The following ADGB variants were observed in gnomAD, a reference collection of about 807,000 sequenced individuals.
The protein encoded by ADGB is calpain-7-like protein.
In ADGB, 172 loss-of-function variants were observed where a neutral mutation model predicts 210.5. That is an observed-to-expected ratio of 0.82 (90% CI 0.72 to 0.93). ADGB has a LOEUF of 0.93. Among genes scored for constraint, ADGB ranks in the 40% least tolerant of loss-of-function variants. The pLI is 0.00. For missense variants in ADGB, 2,025 were observed against 1,964.8 expected (o/e 1.03, Z -0.58); for synonymous variants, 658 against 662.7 (o/e 0.99, Z 0.11).
At chr6:146,795,627 G>T (rs1452395731) in intron 33 of ADGB, among the ~76,000 whole-genome samples, 2 of 152,136 alleles carry the variant, frequency 1.3e-5, no homozygotes, top group South Asian at 2.1e-4. Flanking sequence ...AGCCAGAATG[G>T]CTATTATTAA....
intron 35 of ADGB, among the ~76,000 whole-genome samples, chr6:146,808,905 A>T (rs1315403864): frequency 1.3e-5 from 2 of 152,028 alleles, no homozygotes; most frequent in Non-Finnish European, 1.5e-5. Context: ...GGATTGAGAA[A>T]AAGACAGTTT....
chr6:146,723,793 C>T (rs1281032106), intron 17 of ADGB, among the ~76,000 whole-genome samples: 1 of 152,086 alleles, frequency 6.6e-6, no homozygotes, highest in Non-Finnish European at 1.5e-5. Context: ...ATTTTTTACA[C>T]TATTTTAGAG....
At chr6:146,728,133 C>T (rs1243831151) in intron 19 of ADGB, among the ~76,000 whole-genome samples, 1 of 152,112 alleles carries the variant, frequency 6.6e-6, no homozygotes, top group East Asian at 1.9e-4. Context: ...TTCCTGTCTC[C>T]TTCTTGCTTT....
intron 27 of ADGB, among the ~76,000 whole-genome samples, chr6:146,761,692 G>A (rs1777492690): frequency 6.6e-6 from 1 of 151,850 alleles, no homozygotes; most frequent in African/African-American, 2.4e-5. Flanking sequence ...CTCTACCTAG[G>A]ACTAAAAATA....
At position 146,726,140 on chromosome 6, in the gene ADGB, C is replaced by T. The variant is rs373330268; in HGVS notation, c.2295C>T (p.Cys765=). The change falls in exon 19 of 36, where the codon TGC becomes TGT. Residue 765 remains cysteine (C), a synonymous_variant. Transcript: ENST00000397944. ...CAGTAGGACACTCCATACACATCTG[C>T]AGCATGGTGTCATTTGTCATTGGGG... ...YSPVGHSIHI[C]SMVSFVIGDE... 5.4e-5 allele frequency: 84 copies of T among 1,549,908 alleles called. No individual in the cohort carries two copies. Among genetic ancestry groups the T allele is most frequent in the Non-Finnish European group, 7.3e-5 (84 of 1,145,278 alleles).
At chr6:146,709,381 C>A (rs1776624388) in intron 13 of ADGB, among the ~76,000 whole-genome samples, 1 of 152,208 alleles carries the variant, frequency 6.6e-6, no homozygotes, top group African/African-American at 2.4e-5. Context: ...AAGCCCTTCA[C>A]CAGTCAGATC....
chr6:146,625,432 T>A (rs1780958538), intron 1 of ADGB, among the ~76,000 whole-genome samples: 1 of 152,122 alleles, frequency 6.6e-6, no homozygotes, highest in African/African-American at 2.4e-5. Context: ...ATTGACATCT[T>A]TATAAAGTAG....
intron 3 of ADGB, among the ~76,000 whole-genome samples, chr6:146,651,583 T>C (rs969385629): frequency 6.6e-6 from 1 of 152,180 alleles, no homozygotes; most frequent in African/African-American, 2.4e-5. Context: ...TCTCTTCCAA[T>C]GGCTATCTTG....
rs182508375 is a variant in ADGB at position 146,717,917 on chromosome 6, T to C, written c.1992+318T>C. 2.0e-5 allele frequency among the ~76,000 whole-genome samples: 3 copies of C among 152,298 alleles called. No homozygotes were observed. The East Asian group carries it at 5.8e-4, about 29-fold the overall frequency. ...ATTCACTAGATTTGGTTTCAATTAG[T>C]ATTTATTGAATAGTGTATGTTTCCT... On this transcript the variant is annotated intron_variant, in intron 16 of 35. Transcript: ENST00000397944.
chr6:146,717,579 T>C lies in ADGB; in HGVS notation c.1972T>C (p.Phe658Leu). ...CAAGCCAAGTTCATATTGCCTTAAC[T>C]TTCAAAAATCAGAATTTAAGGTAAG... ...FHKPSSYCLNFQKSEFKFSEE... is the reference protein window; with the variant it reads ...FHKPSSYCLNLQKSEFKFSEE... The change falls in exon 16 of 36, where the codon TTT becomes CTT. Residue 658 changes from phenylalanine (F) to leucine (L), a missense_variant. Coordinates refer to ENST00000397944, the MANE Select transcript of ADGB (RefSeq NM_024694.4). 1 of 1,412,692 alleles carries C rather than the reference T, an allele frequency of 7.1e-7. No individual in the cohort carries two copies. Among genetic ancestry groups the C allele is most frequent in the Non-Finnish European group, 9.6e-7 (1 of 1,041,038 alleles). The allele number at this position is 1,412,692 out of a possible 1,614,324, so 87.5% of individuals were successfully genotyped here. A position where few individuals can be genotyped will look rare whatever the true frequency, so the allele number is the denominator to read the frequency against.
chr6:146,649,536 G>C (rs1775669566), intron 3 of ADGB, among the ~76,000 whole-genome samples: 1 of 151,186 alleles, frequency 6.6e-6, no homozygotes, highest in Non-Finnish European at 1.5e-5. Flanking sequence ...TCTTGCCCAG[G>C]CTGGAGTTCA....
At chr6:146,807,445 A>C (rs1778229532) in intron 35 of ADGB, 1 of 1,551,584 alleles carries the variant, frequency 6.4e-7, no homozygotes, top group African/African-American at 1.4e-5. Context: ...GACATCCGGG[A>C]AGAGTACAGA....
At chr6:146,780,900 T>C (rs1421352214) in intron 29 of ADGB, among the ~76,000 whole-genome samples, 1 of 152,058 alleles carries the variant, frequency 6.6e-6, no homozygotes, top group African/African-American at 2.4e-5. Flanking sequence ...CACATTCTTC[T>C]CAAGGGCATA....
intron 33 of ADGB, among the ~76,000 whole-genome samples, chr6:146,790,546 C>T (rs774438227): frequency 6.6e-6 from 1 of 152,220 alleles, no homozygotes; most frequent in Non-Finnish European, 1.5e-5. Context: ...GGCTGAAGAG[C>T]ATTCCATTGT....
chr6:146,757,831 T>C (rs1353268638), intron 27 of ADGB, among the ~76,000 whole-genome samples: 2 of 152,110 alleles, frequency 1.3e-5, no homozygotes, highest in Admixed American at 6.6e-5. Flanking sequence ...GTCTTCATCC[T>C]GTCCTATTAA....
intron 1 of ADGB, among the ~76,000 whole-genome samples, chr6:146,623,215 A>C (rs1490752072): frequency 1.3e-5 from 2 of 151,772 alleles, no homozygotes; most frequent in African/African-American, 4.8e-5. Flanking sequence ...TCTTTATATT[A>C]AAAAAGCCTG....
chr6:146,622,338 G>T (rs1052352046), intron 1 of ADGB, among the ~76,000 whole-genome samples: 5 of 152,032 alleles, frequency 3.3e-5, no homozygotes, highest in Non-Finnish European at 7.4e-5. Flanking sequence ...AGCTGGGCTG[G>T]GTTCTTACCT....
intron 11 of ADGB, among the ~76,000 whole-genome samples, chr6:146,692,118 A>G (rs903313903): frequency 1.3e-5 from 2 of 152,222 alleles, no homozygotes; most frequent in African/African-American, 4.8e-5. Context: ...TGAAAGGAAG[A>G]ATAGTGAACA....
At chr6:146,773,196 C>T (rs1275742940) in intron 29 of ADGB, among the ~76,000 whole-genome samples, 1 of 151,870 alleles carries the variant, frequency 6.6e-6, no homozygotes, top group Non-Finnish European at 1.5e-5. Flanking sequence ...ATTAAGACTT[C>T]ATAACGTTAG....
Sources: gnomAD v4.1 joint callset for allele counts (sites outside exome capture counted in the v4.1 genomes callset) on GRCh38, gnomAD v4.1.1 for gene constraint, MANE v1.5 for transcripts, NCBI Gene and HGNC (gene_info 2026-07-23, HGNC 2026-07-21) for gene names.